The following AGRN variants were observed in gnomAD, a reference collection of about 807,000 sequenced individuals.
AGRN encodes the protein agrin proteoglycan.
Under a neutral mutation model 211.0 loss-of-function variants are expected in AGRN, and 106 were observed. That is an observed-to-expected ratio of 0.50 (90% CI 0.43 to 0.59). The LOEUF (loss-of-function observed/expected upper bound fraction) is 0.59. AGRN is among the 20% of genes least tolerant of loss of function. The probability of loss-of-function intolerance (pLI) is 0.00; values close to 1 mark genes in which losing one functional copy is unlikely to be tolerated. For missense variants in AGRN, 3,040 were observed against 2,982.6 expected (o/e 1.02, Z -0.45); for synonymous variants, 1,525 against 1,332.5 (o/e 1.14, Z -3.15).
intron 2 of AGRN, among the ~76,000 whole-genome samples, chr1:1,029,899 G>A (rs1310565485): frequency 5.4e-5 from 4 of 74,718 alleles, no homozygotes; most frequent in African/African-American, 1.8e-4. Flanking sequence ...TGAGATCAGT[G>A]TGTGTGTGTG....
chr1:1,046,390 C>T lies in AGRN; in HGVS notation c.2912-7C>T, dbSNP rs984216602. On this transcript the variant is annotated splice_polypyrimidine_tract_variant and splice_region_variant and intron_variant, in intron 17 of 35. Transcript: ENST00000379370. ...CGGTCCCCCCGCCAACCTCCCTCTC[C>T]TTGCAGAGGCTGTTGCTCCCAGCAC... 1.9e-6 allele frequency: 3 copies of T among 1,611,100 alleles called. No individual in the cohort carries two copies. Among genetic ancestry groups the T allele is most frequent in the Admixed American group, 1.7e-5 (1 of 59,832 alleles).
chr1:1,051,084 C>G, intron 30 of AGRN, 169 bp from the exon 31 acceptor site: 2 of 1,547,964 alleles, frequency 1.3e-6, no homozygotes, highest in East Asian at 2.4e-5. Context: ...TCTGGCGCCT[C>G]AACCCCTAGG....
chr1:1,020,495 C>A (rs1297112842), intron 1 of AGRN, 122 bp downstream of exon 1: 2 of 970,152 alleles, frequency 2.1e-6, no homozygotes, highest in African/African-American at 1.7e-5. Context: ...CCCTTGGCGA[C>A]CGCCAAGCCC....
rs1453110514 is a variant in AGRN at position 1,020,292 on chromosome 1, G to A, written c.120G>A (p.Glu40=). The A allele has an allele frequency of 3.4e-6, 5 of 1,475,974 alleles. No homozygotes were observed. In the Admixed American group the frequency reaches 9.2e-5, roughly 27 times the overall value. The allele number at this position is 1,475,974 out of a possible 1,614,324, so 91.4% of individuals were successfully genotyped here. A position where few individuals can be genotyped will look rare whatever the true frequency, so the allele number is the denominator to read the frequency against. Reference sequence around the variant, plus strand: ...CGGAGCGCGCGCTGGAGCGGCGCGAGGAGGAGGCGAACGTGGTGCTCACCG... The same window carrying A: ...CGGAGCGCGCGCTGGAGCGGCGCGAAGAGGAGGCGAACGTGGTGCTCACCG... ...TCPERALERR[E]EEANVVLTGT... Residue 40 remains glutamate, a synonymous_variant, in exon 1 of 36, where the codon GAG becomes GAA. Transcript: ENST00000379370.
chr1:1,052,451 G>A (rs553963406), intron 33 of AGRN: 2 of 292,570 alleles, frequency 6.8e-6, no homozygotes, highest in East Asian at 9.7e-5. Context: ...TGACTATGCG[G>A]CCGTGTGTGT....
In AGRN at chr1:1,048,077, G is replaced by A; in HGVS notation, c.3817G>A (p.Ala1273Thr). 3.2e-6 allele frequency: 5 copies of A among 1,582,032 alleles called. No homozygotes were observed. Among genetic ancestry groups the A allele is most frequent in the Non-Finnish European group, 4.3e-6 (5 of 1,171,216 alleles). The change falls in exon 23 of 36, where the codon GCC becomes ACC. Residue 1273 changes from alanine to threonine, a missense_variant. This residue lies in a region of AGRN where 1,537 missense variants were observed against 1,505.0 expected (regional missense o/e 1.02). Transcript: ENST00000379370. The surrounding 1 kb of genome is among the most constrained non-coding windows in gnomAD (Gnocchi z 5.9). Reference protein sequence around the residue: ...GAIAAGATARATTASRLPSSA... With the variant: ...GAIAAGATARTTTASRLPSSA... ...CATTGCTGCGGGAGCCACGGCCAGAGCCACCACTGCATCGCGCCTGCCGTC... is the reference window on the plus strand; with the variant it reads ...CATTGCTGCGGGAGCCACGGCCAGAACCACCACTGCATCGCGCCTGCCGTC...
chr1:1,045,578 C>G, intron 14 of AGRN, 55 bp downstream of exon 14: 3 of 1,606,316 alleles, frequency 1.9e-6, no homozygotes, highest in East Asian at 4.5e-5. Context: ...CCTGTTCACC[C>G]CCATCACTGT....
intron 19 of AGRN, 70 bp downstream of exon 19, chr1:1,047,027 T>A (rs1036368137): frequency 1.8e-5 from 28 of 1,544,102 alleles, no homozygotes; most frequent in Non-Finnish European, 1.5e-5. Flanking sequence ...CCCCCTCGCC[T>A]GGGCAGCAGG....
Position 1,034,498 on chromosome 1 carries a change from C to T in AGRN, c.464-779C>T, listed in dbSNP as rs536837018. On this transcript the variant is annotated intron_variant, in intron 2 of 35. Transcript: ENST00000379370. ...GAGCAGCCCTGAAGAGGCCCAAGGGCACCCCGTGAGGAGCCCCCACGCTCT... is the reference window on the plus strand; with the variant it reads ...GAGCAGCCCTGAAGAGGCCCAAGGGTACCCCGTGAGGAGCCCCCACGCTCT... 2.0e-5 allele frequency: 20 copies of T among 985,830 alleles called. No homozygotes were observed. In the South Asian group the frequency reaches 6.6e-4, roughly 32 times the overall value. 61.1% of individuals were successfully genotyped at this position (985,830 alleles called of 1,614,324 possible). A position where few individuals can be genotyped will look rare whatever the true frequency, so the allele number is the denominator to read the frequency against.
Position 1,045,417 on chromosome 1 carries a change from C to A in AGRN, c.2430C>A (p.Gly810=). ...SYGGTCDPAT[G]QCSCRPGVGG... The stretch of plus-strand genomic sequence containing the variant: ...GCGGCACCTGTGACCCAGCCACAGG[C>A]CAGTGCTCCTGCCGCCCAGGTGTGG... The change falls in exon 14 of 36, where the codon GGC becomes GGA. Residue 810 remains glycine (G), a synonymous_variant. Transcript: ENST00000379370. 3.1e-6 allele frequency: 5 copies of A among 1,612,122 alleles called. No homozygotes were observed. The highest frequency in any genetic ancestry group is 4.2e-6 in the Non-Finnish European group (5 of 1,179,772).
chr1:1,025,096 C>T (rs977208661), intron 2 of AGRN, among the ~76,000 whole-genome samples: 4 of 152,286 alleles, frequency 2.6e-5, no homozygotes, highest in Non-Finnish European at 5.9e-5. Flanking sequence ...GGCTGAGGGC[C>T]GGCCAGGCCG....
rs764173254 is a variant in AGRN, at chr1:1,034,445, C to T, written c.464-832C>T. 160 of 985,596 alleles carry T rather than the reference C, an allele frequency of 1.6e-4. 1 individual carries two copies. The highest frequency in any genetic ancestry group is 1.9e-4 in the Non-Finnish European group (156 of 830,148). The allele number at this position is 985,596 out of a possible 1,614,324, so 61.1% of individuals were successfully genotyped here. ...GAACTCTGAGGGCACAGCTGCTGTCCGCCGCCCCAGGGGTCCCAGGATGGG... is the reference window on the plus strand; with the variant it reads ...GAACTCTGAGGGCACAGCTGCTGTCTGCCGCCCCAGGGGTCCCAGGATGGG... On this transcript the variant is annotated intron_variant, in intron 2 of 35. Transcript: ENST00000379370.
At chr1:1,020,989 C>T (rs751028695) in intron 1 of AGRN, among the ~76,000 whole-genome samples, 3 of 152,026 alleles carry the variant, frequency 2.0e-5, no homozygotes, top group Admixed American at 6.5e-5. Flanking sequence ...CCTGGTTTCT[C>T]CTTCAGGTGC....
In AGRN at chr1:1,040,698, T is replaced by C. The variant is rs1382391433; in HGVS notation, c.545T>C (p.Val182Ala). ...CRGMLCGFGAVCEPNAEGPGR... is the reference protein window; with the variant it reads ...CRGMLCGFGAACEPNAEGPGR... Reference sequence around the variant, plus strand: ...GGAATGCTGTGCGGCTTCGGCGCCGTGTGCGAGCCCAACGCGGAGGGGCCG... The same window carrying C: ...GGAATGCTGTGCGGCTTCGGCGCCGCGTGCGAGCCCAACGCGGAGGGGCCG... The change falls in exon 4 of 36, where the codon GTG becomes GCG. Residue 182 changes from valine (V) to alanine (A), a missense_variant. Transcript: ENST00000379370. 6.5e-7 allele frequency: 1 copy of C among 1,547,446 alleles called. No homozygotes were observed. The highest frequency in any genetic ancestry group is 8.7e-7 in the Non-Finnish European group (1 of 1,146,656).
chr1:1,021,892 G>A (rs1355840647), intron 1 of AGRN, among the ~76,000 whole-genome samples: 1 of 152,238 alleles, frequency 6.6e-6, no homozygotes, highest in Non-Finnish European at 1.5e-5. Flanking sequence ...CCCAAGCCAG[G>A]TGGGCCCCCT....
Position 1,028,569 on chromosome 1 carries a change from G to C in AGRN, c.463+6107G>C, listed in dbSNP as rs1230433447. Among the ~76,000 whole-genome samples, 398 of 113,374 alleles carry C rather than the reference G, an allele frequency of 3.5e-3. 2 individuals carry two copies. The highest frequency in any genetic ancestry group is 0.012 in the African/African-American group (355 of 29,570). The allele number at this position is 113,374 out of a possible 152,430, so 74.4% of individuals were successfully genotyped here. On this transcript the variant is annotated intron_variant, in intron 2 of 35. Coordinates refer to ENST00000379370, the MANE Select transcript of AGRN (RefSeq NM_198576.4). ...CACCCACAGCCACGCCACCCTTTCCGAAGGAACCGAGCCCCAGCCCCTCGT... is the reference window on the plus strand; with the variant it reads ...CACCCACAGCCACGCCACCCTTTCCCAAGGAACCGAGCCCCAGCCCCTCGT...
intron 2 of AGRN, among the ~76,000 whole-genome samples, chr1:1,026,168 G>A (rs1446629154): frequency 6.6e-6 from 1 of 152,154 alleles, no homozygotes; most frequent in East Asian, 1.9e-4. Context: ...AACAGCCCTG[G>A]CTCCATTGTT....
Position 1,043,305 on chromosome 1 carries a change from G to A in AGRN, c.1451G>A (p.Gly484Glu). The change falls in exon 8 of 36, where the codon GGG (glycine) becomes GAG (glutamate). Residue 484 changes from glycine (G) to glutamate (E), a missense_variant. Physicochemically the swap from Gly to Glu is moderately conservative, Grantham distance 98. This residue lies in a region of AGRN where 1,498 missense variants were observed against 1,457.8 expected (regional missense o/e 1.03). Transcript: ENST00000379370. ...GGGGCGACGTGTGCTGTGAAGAACG[G>A]GCAGGCAGCGTGTGAATGCCTGCAG... ...AFGATCAVKN[G>E]QAACECLQAC... 1 of 1,611,494 alleles carries A rather than the reference G, an allele frequency of 6.2e-7. No individual in the cohort carries two copies. Among genetic ancestry groups the A allele is most frequent in the Non-Finnish European group, 8.5e-7 (1 of 1,179,526 alleles).
intron 3 of AGRN, among the ~76,000 whole-genome samples, chr1:1,037,656 A>C (rs1644833093): frequency 6.6e-6 from 1 of 152,160 alleles, no homozygotes. Context: ...CAGGACCCCC[A>C]AAAATGACCC....
Sources: gnomAD v4.1 joint callset for allele counts (sites outside exome capture counted in the v4.1 genomes callset) on GRCh38, gnomAD v4.1.1 for gene constraint, gnomAD v4.1.1 regional missense constraint, Gnocchi (gnomAD v3.1) non-coding constraint, MANE v1.5 for transcripts, NCBI Gene and HGNC (gene_info 2026-07-23, HGNC 2026-07-21) for gene names.